IL1RAPL2: variants seen among roughly 807,000 people sequenced by gnomAD.
IL1RAPL2 encodes the protein interleukin 1 receptor accessory protein like 2, also known as X-linked interleukin-1 receptor accessory protein-like 2.
A neutral mutation model predicts 44.1 loss-of-function variants in IL1RAPL2; 3 were observed. The observed-to-expected ratio is 0.07, with a 90% confidence interval of 0.03 to 0.18. IL1RAPL2 has a LOEUF of 0.18. Ranked by LOEUF, IL1RAPL2 falls within the 10% of genes least tolerant of loss-of-function variation. The pLI is 1.00. For missense variants in IL1RAPL2, 391 were observed against 496.4 expected, an observed-to-expected ratio of 0.79 and a Z score of 2.02; for synonymous variants, 181 against 178.8, an observed-to-expected ratio of 1.01 and a Z score of -0.10.
At chrX:104,950,138 C>T (rs748978960) in intron 2 of IL1RAPL2, among the ~76,000 whole-genome samples, 2 of 111,806 alleles carry the variant, frequency 1.8e-5, no homozygotes, top group Middle Eastern at 4.6e-3. Context: ...GGATAGTTAG[C>T]TCTTCTTGTT....
intron 2 of IL1RAPL2, among the ~76,000 whole-genome samples, chrX:105,116,112 AG>A (rs199799055): frequency 0.05 from 3 of 60 alleles, no homozygotes; most frequent in Non-Finnish European, 0.077. Flanking sequence ...CTGCAAGTGG[AG>A]GGAAGCCGGC....
chrX:104,791,607 G>A (rs1393441299), intron 2 of IL1RAPL2, among the ~76,000 whole-genome samples: 1 of 112,006 alleles, frequency 8.9e-6, no homozygotes, highest in African/African-American at 3.2e-5. Context: ...TGTCAAATGA[G>A]GTGCTCCCTT....
chrX:104,656,218 T>G (rs1602664647), intron 1 of IL1RAPL2, among the ~76,000 whole-genome samples: 1 of 111,392 alleles, frequency 9.0e-6, no homozygotes, highest in Admixed American at 9.6e-5. Context: ...TTTTGCTAGC[T>G]TTTGAATTTG....
chrX:105,383,384 C>G (rs2035452331), intron 5 of IL1RAPL2, among the ~76,000 whole-genome samples: 1 of 111,609 alleles, frequency 9.0e-6, no homozygotes, highest in South Asian at 3.7e-4. Context: ...GCTTATTTCA[C>G]TTCACATAAT....
chrX:104,952,060 C>G (rs2147711123), intron 2 of IL1RAPL2, among the ~76,000 whole-genome samples: 1 of 111,743 alleles, frequency 8.9e-6, no homozygotes, highest in African/African-American at 3.3e-5. Context: ...CAAATTAATG[C>G]TAAATGAACT....
chrX:104,816,947 A>G (rs1195927736), intron 2 of IL1RAPL2, among the ~76,000 whole-genome samples: 2 of 112,949 alleles, frequency 1.8e-5, no homozygotes, highest in African/African-American at 6.4e-5. Context: ...AAAGGCAGAT[A>G]ATAGGAGAAA....
At chrX:105,738,607 G>T in intron 7 of IL1RAPL2, among the ~76,000 whole-genome samples, 1 of 111,435 alleles carries the variant, frequency 9.0e-6, no homozygotes, top group South Asian at 3.8e-4. Flanking sequence ...TAAACTGCAG[G>T]GTTGTCACCA....
intron 3 of IL1RAPL2, among the ~76,000 whole-genome samples, chrX:105,205,881 G>A (rs1013729725): frequency 1.8e-5 from 2 of 110,571 alleles, no homozygotes; most frequent in African/African-American, 6.6e-5. Context: ...TACAGGGGGA[G>A]AAGCAAGAAG....
chrX:104,696,936 C>T (rs1303000319), intron 2 of IL1RAPL2, among the ~76,000 whole-genome samples: 3 of 111,959 alleles, frequency 2.7e-5, no homozygotes, highest in Non-Finnish European at 3.8e-5. Context: ...TTTCAGCTTC[C>T]CTGTCCTGGG....
chrX:104,628,025 A>G (rs1327076715), intron 1 of IL1RAPL2, among the ~76,000 whole-genome samples: 1 of 111,945 alleles, frequency 8.9e-6, no homozygotes, highest in Non-Finnish European at 1.9e-5. Flanking sequence ...GATTTAAAGG[A>G]TAGAACTAAA....
At chrX:104,823,548 C>A (rs773349138) in intron 2 of IL1RAPL2, among the ~76,000 whole-genome samples, 3 of 107,297 alleles carry the variant, frequency 2.8e-5, no homozygotes, top group Non-Finnish European at 5.8e-5. Flanking sequence ...TGAATAATGC[C>A]GCAATAAACA....
intron 2 of IL1RAPL2, among the ~76,000 whole-genome samples, chrX:105,073,075 G>A (rs1159026351): frequency 1.9e-5 from 2 of 105,462 alleles, no homozygotes; most frequent in African/African-American, 7.0e-5. Flanking sequence ...TTAAGTTTTA[G>A]GATATATGTG....
chrX:105,652,040 A>C (rs1337291917), intron 6 of IL1RAPL2, among the ~76,000 whole-genome samples: 1 of 111,889 alleles, frequency 8.9e-6, no homozygotes, highest in African/African-American at 3.2e-5. Context: ...CATTTGGTTC[A>C]GTAATTTTAA....
At chrX:105,637,819 CTA>C (rs2037535353) in intron 6 of IL1RAPL2, among the ~76,000 whole-genome samples, 1 of 109,595 alleles carries the variant, frequency 9.1e-6, no homozygotes, top group African/African-American at 3.3e-5. Flanking sequence ...AGGTCAGTTT[CTA>C]TTTTATCTGA....
At position 104,947,973 on chromosome X, in the gene IL1RAPL2, T is replaced by C. The variant is rs1455266055; in HGVS notation, c.83-247502T>C. 3.6e-5 allele frequency among the ~76,000 whole-genome samples: 4 copies of C among 111,661 alleles called. No individual in the cohort carries two copies. In the East Asian group the frequency reaches 8.4e-4, roughly 24 times the overall value. On this transcript the variant is annotated intron_variant, in intron 2 of 10. Coordinates refer to ENST00000372582, the MANE Select transcript of IL1RAPL2 (RefSeq NM_017416.2). ...GTGAAGAAAGTCATTGGTAGCTTGA[T>C]GGGGATGGCATTGAATCTATAAATT...
At chrX:105,495,625 GTTGT>G (rs972225338) in intron 6 of IL1RAPL2, among the ~76,000 whole-genome samples, 9 of 111,624 alleles carry the variant, frequency 8.1e-5, no homozygotes, top group Non-Finnish European at 1.7e-4. Flanking sequence ...TTGTTGTCAA[GTTGT>G]TTGATGAAAT....
intron 6 of IL1RAPL2, among the ~76,000 whole-genome samples, chrX:105,579,584 TTTA>T (rs1344149621): frequency 1.8e-5 from 2 of 111,334 alleles, no homozygotes; most frequent in African/African-American, 6.5e-5. Context: ...CCACTGAGAC[TTTA>T]TTATGAGACA....
chrX:104,845,199 C>A (rs1922019123), intron 2 of IL1RAPL2, among the ~76,000 whole-genome samples: 1 of 111,836 alleles, frequency 8.9e-6, no homozygotes, highest in Non-Finnish European at 1.9e-5. Context: ...TTACAGATAG[C>A]CAGTCAAACC....
chrX:104,724,922 C>T (rs111787403), intron 2 of IL1RAPL2, among the ~76,000 whole-genome samples: 431 of 111,385 alleles, frequency 3.9e-3, no homozygotes, highest in African/African-American at 0.013. Context: ...TTCTGGGATA[C>T]ATGTACAGAA....
Sources: gnomAD v4.1 joint callset for allele counts (sites outside exome capture counted in the v4.1 genomes callset) on GRCh38, gnomAD v4.1.1 for gene constraint, MANE v1.5 for transcripts, NCBI Gene and HGNC (gene_info 2026-07-23, HGNC 2026-07-21) for gene names.